Variants in DNAH12 observed in about 807,000 individuals in gnomAD.
DNAH12 encodes the protein axonemal beta dynein heavy chain 12.
Under a neutral mutation model 371.5 loss-of-function variants are expected in DNAH12, and 285 were observed. The ratio of observed to expected loss-of-function variants is 0.77; its 90% confidence interval spans 0.70 to 0.85. DNAH12 has a LOEUF of 0.85. Ranked by LOEUF, DNAH12 falls within the 40% of genes least tolerant of loss-of-function variation. The pLI, the probability that DNAH12 is intolerant of heterozygous loss-of-function variation, is 0.00. For synonymous variants in DNAH12, 1,200 were observed against 1,213.0 expected, an observed-to-expected ratio of 0.99 and a Z score of 0.22; for missense variants, 3,611 against 3,689.4, an observed-to-expected ratio of 0.98 and a Z score of 0.55.
intron 62 of DNAH12, among the ~76,000 whole-genome samples, chr3:57,330,815 CCTT>C (rs1173489919): frequency 6.6e-6 from 1 of 152,098 alleles, no homozygotes. Context: ...ATCAACTCCT[CCTT>C]GAGTTTCCAG....
intron 62 of DNAH12, 55 bp downstream of exon 62, chr3:57,334,410 C>G: frequency 6.7e-7 from 1 of 1,491,446 alleles, no homozygotes; most frequent in Non-Finnish European, 8.9e-7. Context: ...TTAAGCCTAG[C>G]ACTTCATAAA....
At chr3:57,369,844 A>G (rs2063132510) in intron 55 of DNAH12, among the ~76,000 whole-genome samples, 1 of 152,214 alleles carries the variant, frequency 6.6e-6, no homozygotes, top group African/African-American at 2.4e-5. Flanking sequence ...TAATGTTAAT[A>G]AATGTCCTTG....
At chr3:57,482,056 C>A (rs2066763098) in intron 13 of DNAH12, among the ~76,000 whole-genome samples, 1 of 152,090 alleles carries the variant, frequency 6.6e-6, no homozygotes, top group Non-Finnish European at 1.5e-5. Context: ...GCAACAAAAG[C>A]CAAAATTGAC....
At chr3:57,361,444 C>CACACTATA (rs1409626573) in intron 58 of DNAH12, among the ~76,000 whole-genome samples, 4 of 116,722 alleles carry the variant, frequency 3.4e-5, no homozygotes, top group Admixed American at 1.7e-4. Flanking sequence ...CACACACACA[C>CACACTATA]TATATATATA....
At chr3:57,466,985 C>T (rs1397861854) in intron 17 of DNAH12, among the ~76,000 whole-genome samples, 1 of 152,006 alleles carries the variant, frequency 6.6e-6, no homozygotes, top group African/African-American at 2.4e-5. Context: ...GAACTTCTGG[C>T]CTCGAATGAT....
chr3:57,465,854 T>C (rs2066184079), intron 17 of DNAH12, among the ~76,000 whole-genome samples: 3 of 152,168 alleles, frequency 2.0e-5, no homozygotes, highest in African/African-American at 2.4e-5. Flanking sequence ...ATGAAATATA[T>C]GAAAATATGC....
In DNAH12 at chr3:57,453,309, A is replaced by T; in HGVS notation, c.3551T>A (p.Leu1184Gln). The T allele has an allele frequency of 6.4e-7, 1 of 1,551,136 alleles. No homozygotes were observed. ...GKLSKQTRTT[L>Q]GALVTIDVHA... is the part of the protein sequence containing the mutation. The stretch of plus-strand genomic sequence containing the variant: ...GACATCAATAGTAACCAAAGCCCCC[A>T]GAGTGGTCCTGGTCTGCTTAGACAA... The change falls in exon 24 of 74, where the codon CTG (leucine) becomes CAG (glutamine). Residue 1184 changes from leucine to glutamine, a missense_variant. Transcript: ENST00000495027.
chr3:57,506,372 C>T (rs2067759084), intron 8 of DNAH12, among the ~76,000 whole-genome samples: 1 of 152,128 alleles, frequency 6.6e-6, no homozygotes, highest in Admixed American at 6.5e-5. Flanking sequence ...CCACAGAAGT[C>T]GACAAACACT....
chr3:57,537,248 A>C (rs944487749), intron 2 of DNAH12, among the ~76,000 whole-genome samples: 1 of 152,204 alleles, frequency 6.6e-6, no homozygotes, highest in African/African-American at 2.4e-5. Context: ...TAAACTAAAA[A>C]ATTTTGTAAT....
intron 12 of DNAH12, among the ~76,000 whole-genome samples, chr3:57,486,499 T>C (rs1471255113): frequency 2.6e-5 from 4 of 152,066 alleles, no homozygotes; most frequent in Admixed American, 6.6e-5. Context: ...AAACAAAGTG[T>C]AAAAGAGGTA....
chr3:57,443,474 C>T (rs1163984343), intron 29 of DNAH12, among the ~76,000 whole-genome samples: 4 of 152,058 alleles, frequency 2.6e-5, no homozygotes, highest in Non-Finnish European at 4.4e-5. Context: ...TAAGTATATA[C>T]ATATTTAAGC....
intron 5 of DNAH12, among the ~76,000 whole-genome samples, chr3:57,509,522 G>A (rs2067901545): frequency 6.6e-6 from 1 of 152,090 alleles, no homozygotes; most frequent in Admixed American, 6.6e-5. Context: ...GTTGGTCACA[G>A]GCTACAAAAT....
Position 57,501,414 on chromosome 3 carries a change from T to G in DNAH12, c.1244-2A>C. 6.3e-7 allele frequency: 1 copy of G among 1,575,664 alleles called. No individual in the cohort carries two copies. Among genetic ancestry groups the G allele is most frequent in the Non-Finnish European group, 8.6e-7 (1 of 1,166,432 alleles). Reference sequence around the variant, plus strand: ...CAAGGAGCCAATTATATTTTTCAACTGAAAATTAATAATCTAATTAAAATC... The same window carrying G: ...CAAGGAGCCAATTATATTTTTCAACGGAAAATTAATAATCTAATTAAAATC... On this transcript the variant is annotated splice_acceptor_variant, in intron 10 of 73. Transcript: ENST00000495027. LOFTEE classifies it high-confidence loss of function.
At chr3:57,503,552 C>T (rs181127657) in intron 9 of DNAH12, among the ~76,000 whole-genome samples, 57 of 152,072 alleles carry the variant, frequency 3.7e-4, no homozygotes, top group Admixed American at 3.2e-3. Context: ...CCATGCCCAG[C>T]TAATTTTTGT....
intron 60 of DNAH12, among the ~76,000 whole-genome samples, chr3:57,350,211 A>G (rs1293351654): frequency 2.6e-5 from 4 of 152,144 alleles, no homozygotes; most frequent in African/African-American, 9.7e-5. Flanking sequence ...TGGGTGCACC[A>G]AAATCTCAGA....
At chr3:57,546,712 C>T (rs2069581339), upstream of DNAH12, among the ~76,000 whole-genome samples, 1 of 152,166 alleles carries the variant, frequency 6.6e-6, no homozygotes, top group African/African-American at 2.4e-5. Context: ...GTATGATATA[C>T]CCACCTTCTC....
intron 12 of DNAH12, among the ~76,000 whole-genome samples, 160 bp from the exon 13 acceptor site, chr3:57,483,671 C>T (rs1472664821): frequency 6.6e-6 from 1 of 151,862 alleles, no homozygotes; most frequent in Non-Finnish European, 1.5e-5. Context: ...CTTGGCCAGG[C>T]ACAGTGGCTC....
chr3:57,417,767 G>A (rs1462954873), intron 37 of DNAH12, among the ~76,000 whole-genome samples: 1 of 152,042 alleles, frequency 6.6e-6, no homozygotes, highest in East Asian at 1.9e-4. Context: ...GACAGATCTT[G>A]TTATTTAATG....
intron 4 of DNAH12, among the ~76,000 whole-genome samples, chr3:57,517,980 G>A (rs892194924): frequency 6.6e-6 from 1 of 152,048 alleles, no homozygotes; most frequent in Non-Finnish European, 1.5e-5. Context: ...CTTGAGCCTG[G>A]AAAGCAGATG....
Sources: allele counts gnomAD v4.1 joint callset (sites outside exome capture counted in the v4.1 genomes callset), GRCh38; gene constraint gnomAD v4.1.1; transcripts MANE v1.5; gene names NCBI Gene and HGNC (gene_info 2026-07-23, HGNC 2026-07-21).